CCDC124: variants seen among roughly 807,000 people sequenced by gnomAD.
CCDC124 encodes coiled-coil domain containing 124.
In CCDC124, 9 loss-of-function variants were observed where a neutral mutation model predicts 19.8. The ratio of observed to expected loss-of-function variants is 0.45; its 90% confidence interval spans 0.27 to 0.79. CCDC124 has a LOEUF of 0.79. CCDC124 is among the 30% of genes least tolerant of loss of function. CCDC124 has a pLI of 0.14. For synonymous variants in CCDC124, 126 were observed against 131.3 expected, an observed-to-expected ratio of 0.96 and a Z score of 0.27; for missense variants, 285 against 319.0, an observed-to-expected ratio of 0.89 and a Z score of 0.81.
intron 1 of CCDC124, among the ~76,000 whole-genome samples, chr19:17,935,915 C>T (rs1314689417): frequency 7.0e-6 from 1 of 141,908 alleles, no homozygotes; most frequent in Non-Finnish European, 1.6e-5. Flanking sequence ...ATTCTTTTTC[C>T]TTTCATTGAG....
At chr19:17,936,612 G>T (rs185534358) in intron 2 of CCDC124, 33 bp downstream of exon 2, 814 of 1,593,036 alleles carry the variant, frequency 5.1e-4, no homozygotes, top group Non-Finnish European at 6.3e-4. Context: ...CGGCCCGCAT[G>T]CCTTGTGGCC....
In CCDC124 at chr19:17,943,490, G is replaced by T. The variant is rs746677658; in HGVS notation, c.465-18G>T. 8 of 1,606,048 alleles carry T rather than the reference G, an allele frequency of 5.0e-6. No homozygotes were observed. In the Admixed American group the frequency reaches 6.7e-5, roughly 13 times the overall value. ...AAGGCTGCGCCCAAGGCCCCCTGAC[G>T]CTCATGTCCACCCCCAGCGTGGCGG... On this transcript the variant is annotated intron_variant, in intron 4 of 4. Coordinates refer to ENST00000445755, the MANE Select transcript of CCDC124 (RefSeq NM_001136203.2).
At chr19:17,940,155 C>T (rs1239001815) in intron 2 of CCDC124, among the ~76,000 whole-genome samples, 1 of 151,940 alleles carries the variant, frequency 6.6e-6, no homozygotes, top group African/African-American at 2.4e-5. Context: ...TCAAGTGATC[C>T]GCCCACCTCG....
chr19:17,943,722 A>G lies in CCDC124; in HGVS notation c.*7A>G. On this transcript the variant is annotated 3_prime_UTR_variant, in exon 5 of 5. Coordinates refer to ENST00000445755, the MANE Select transcript of CCDC124 (RefSeq NM_001136203.2). ...CTTCAATGCCCCCAAGTGAGCCCAG[A>G]ACTTGGGGAGCCAGTTCACCCACGG... The G allele has an allele frequency of 6.2e-7, 1 of 1,611,382 alleles. No homozygotes were observed. The highest frequency in any genetic ancestry group is 8.5e-7 in the Non-Finnish European group (1 of 1,179,094).
chr19:17,933,606 C>T (rs1007463045), intron 1 of CCDC124, among the ~76,000 whole-genome samples: 1 of 152,176 alleles, frequency 6.6e-6, no homozygotes, highest in Non-Finnish European at 1.5e-5. Context: ...ATTGGGCTTC[C>T]CGGCTCTAAC....
chr19:17,942,785 C>T lies in CCDC124; in HGVS notation c.289C>T (p.Arg97Trp), dbSNP rs1483424384. The T allele has an allele frequency of 1.7e-5, 26 of 1,546,494 alleles. No individual in the cohort carries two copies. In the East Asian group the frequency reaches 5.1e-4, roughly 31 times the overall value. Reference sequence around the variant, plus strand: ...GGTGGCCACGTCCAGCAAGGTCACCCGGGCCCAGATCGAGGACACGCTGCG... The same window carrying T: ...GGTGGCCACGTCCAGCAAGGTCACCTGGGCCCAGATCGAGGACACGCTGCG... Reference protein sequence around the residue: ...PRVATSSKVTRAQIEDTLRRD... With the variant: ...PRVATSSKVTWAQIEDTLRRD... The change falls in exon 3 of 5, where the codon CGG becomes TGG. Residue 97 changes from arginine to tryptophan, a missense_variant. Arg to Trp is a moderately radical substitution (Grantham distance 101). Coordinates refer to ENST00000445755, the MANE Select transcript of CCDC124 (RefSeq NM_001136203.2). The surrounding 1 kb of genome is among the most constrained non-coding windows in gnomAD (Gnocchi z 4.2).
At chr19:17,933,877 C>A (rs1025951215) in intron 1 of CCDC124, among the ~76,000 whole-genome samples, 1 of 152,192 alleles carries the variant, frequency 6.6e-6, no homozygotes, top group African/African-American at 2.4e-5. Flanking sequence ...CTCATTTGTG[C>A]CACCTCTTTC....
At chr19:17,936,200 TG>T in intron 1 of CCDC124, 1 of 472,392 alleles carries the variant, frequency 2.1e-6, no homozygotes, top group South Asian at 3.9e-5. Context: ...CCACCAGACC[TG>T]GCCTAAATGA....
intron 1 of CCDC124, chr19:17,935,197 T>G (rs936158817): frequency 2.0e-5 from 3 of 151,526 alleles, no homozygotes; most frequent in African/African-American, 7.3e-5. Context: ...CAAACGTGAG[T>G]GATCGCACCC....
rs1344276204 is a variant in CCDC124, at chr19:17,942,835, C to A, written c.339C>A (p.Ala113=). Residue 113 remains alanine, a synonymous_variant, in exon 3 of 5, where the codon GCC becomes GCA. Transcript: ENST00000445755. This position sits in a 1 kb window ranked among gnomAD's most constrained non-coding sequence, Gnocchi z 4.2. ...TLRRDHQLRE[A]PDTAEKAKSH... is the part of the protein sequence containing the mutation. Reference sequence around the variant, plus strand: ...GCCGAGACCATCAGCTCAGGGAGGCCCCGGACACAGGTCGGGCGGCATCCC... The same window carrying A: ...GCCGAGACCATCAGCTCAGGGAGGCACCGGACACAGGTCGGGCGGCATCCC... 4 of 1,513,834 alleles carry A rather than the reference C, an allele frequency of 2.6e-6. No individual in the cohort carries two copies. The South Asian group carries it at 5.1e-5, about 19-fold the overall frequency. 93.8% of individuals were successfully genotyped at this position (1,513,834 alleles called of 1,614,324 possible). A position where few individuals can be genotyped will look rare whatever the true frequency, so the allele number is the denominator to read the frequency against.
intron 2 of CCDC124, among the ~76,000 whole-genome samples, chr19:17,938,966 C>A (rs1402104359): frequency 6.6e-6 from 1 of 152,194 alleles, no homozygotes. Context: ...CCCTGGCTTT[C>A]TTCCAGCCCC....
Position 17,936,605 on chromosome 19 carries a change from C to T in CCDC124, c.159+26C>T, listed in dbSNP as rs1404505813. ...GTGCGTGCACTCCGAGTCCCCGCGG[C>T]CCGCATGCCTTGTGGCCAAGGCCAG... On this transcript the variant is annotated intron_variant, in intron 2 of 4. Transcript: ENST00000445755. 5 of 1,599,438 alleles carry T rather than the reference C, an allele frequency of 3.1e-6. No homozygotes were observed. In the African/African-American group the frequency reaches 5.4e-5, roughly 17 times the overall value.
At chr19:17,941,818 G>T (rs553707164) in intron 2 of CCDC124, among the ~76,000 whole-genome samples, 1 of 152,302 alleles carries the variant, frequency 6.6e-6, no homozygotes, top group South Asian at 2.1e-4. Context: ...GACACTGCAG[G>T]TGTGGGGATC....
Position 17,936,442 on chromosome 19 carries a change from G to C in CCDC124, c.22G>C (p.Glu8Gln). MPKKFQG[E>Q]NTKSAAARAR... ...AGGGATGCCCAAGAAGTTCCAGGGT[G>C]AGAACACCAAGTCGGCAGCGGCCCG... is the stretch of plus-strand genomic sequence containing the variant. The change falls in exon 2 of 5, where the codon GAG (glutamate) becomes CAG (glutamine). Residue 8 changes from glutamate to glutamine, a missense_variant. Coordinates refer to ENST00000445755, the MANE Select transcript of CCDC124 (RefSeq NM_001136203.2). 6.2e-7 allele frequency: 1 copy of C among 1,613,372 alleles called. No individual in the cohort carries two copies. Among genetic ancestry groups the C allele is most frequent in the Non-Finnish European group, 8.5e-7 (1 of 1,179,774 alleles).
chr19:17,933,325 G>A (rs2030987061), intron 1 of CCDC124, among the ~76,000 whole-genome samples: 1 of 152,202 alleles, frequency 6.6e-6, no homozygotes, highest in Admixed American at 6.5e-5. Flanking sequence ...GTTGGGCGCG[G>A]ACTCCCCCGG....
chr19:17,938,518 C>T (rs2031110098), intron 2 of CCDC124, among the ~76,000 whole-genome samples: 1 of 152,202 alleles, frequency 6.6e-6, no homozygotes, highest in Non-Finnish European at 1.5e-5. Flanking sequence ...AACCCCCCAG[C>T]TTAGGGGCTG....
chr19:17,942,533 T>G lies in CCDC124; in HGVS notation c.160-123T>G. On this transcript the variant is annotated intron_variant, in intron 2 of 4. Transcript: ENST00000445755. The surrounding 1 kb of genome is among the most constrained non-coding windows in gnomAD (Gnocchi z 4.2). The stretch of plus-strand genomic sequence containing the variant: ...ACCGGGACCTATCTTGTTCCTGGTA[T>G]GTCCCCTGCACCCAGCACAGAGCCT... 3 of 1,101,790 alleles carry G rather than the reference T, an allele frequency of 2.7e-6. No individual in the cohort carries two copies. The highest frequency in any genetic ancestry group is 3.9e-6 in the Non-Finnish European group (3 of 775,484). The allele number at this position is 1,101,790 out of a possible 1,614,324, so 68.3% of individuals were successfully genotyped here.
In CCDC124 at chr19:17,942,827, A is replaced by G. The variant is rs1392711287; in HGVS notation, c.331A>G (p.Arg111Gly). ...EDTLRRDHQL[R>G]EAPDTAEKAK... is the part of the protein sequence containing the mutation. The stretch of plus-strand genomic sequence containing the variant: ...CACGCTGCGCCGAGACCATCAGCTC[A>G]GGGAGGCCCCGGACACAGGTCGGGC... Residue 111 changes from arginine to glycine, a missense_variant, in exon 3 of 5, where the codon AGG becomes GGG. By Grantham distance (125) the Arg-to-Gly change is moderately radical (BLOSUM62 -2). Transcript: ENST00000445755. This position sits in a 1 kb window ranked among gnomAD's most constrained non-coding sequence, Gnocchi z 4.2. The G allele has an allele frequency of 3.9e-6, 6 of 1,523,640 alleles. No homozygotes were observed. In the South Asian group the frequency reaches 7.5e-5, roughly 19 times the overall value. The allele number at this position is 1,523,640 out of a possible 1,614,324, so 94.4% of individuals were successfully genotyped here. A position where few individuals can be genotyped will look rare whatever the true frequency, so the allele number is the denominator to read the frequency against.
chr19:17,942,979 G>A lies in CCDC124; in HGVS notation c.349+134G>A, dbSNP rs2031220544. On this transcript the variant is annotated intron_variant, in intron 3 of 4. Coordinates refer to ENST00000445755, the MANE Select transcript of CCDC124 (RefSeq NM_001136203.2). The surrounding 1 kb of genome is among the most constrained non-coding windows in gnomAD (Gnocchi z 4.2). ...GTGGTGCAGGGTGGGTGGGTAGGCC[G>A]CCTCCTGGTAGGCCTGGCCGTGAGC... The A allele has an allele frequency of 8.2e-6, 9 of 1,104,010 alleles. No individual in the cohort carries two copies. Among genetic ancestry groups the A allele is most frequent in the African/African-American group, 1.6e-5 (1 of 63,356 alleles). The allele number at this position is 1,104,010 out of a possible 1,614,324, so 68.4% of individuals were successfully genotyped here. A position where few individuals can be genotyped will look rare whatever the true frequency, so the allele number is the denominator to read the frequency against.
Sources: gnomAD v4.1 joint callset for allele counts (sites outside exome capture counted in the v4.1 genomes callset) on GRCh38, gnomAD v4.1.1 for gene constraint, Gnocchi (gnomAD v3.1) non-coding constraint, MANE v1.5 for transcripts, NCBI Gene and HGNC (gene_info 2026-07-23, HGNC 2026-07-21) for gene names.